RBM26: variants seen among roughly 807,000 people sequenced by gnomAD.
The protein encoded by RBM26 is RNA-binding protein 26.
RBM26 carries 30 observed loss-of-function variants against 123.6 expected under a neutral mutation model. That is an observed-to-expected ratio of 0.24 (90% confidence interval 0.18 to 0.33). The LOEUF is 0.33. Ranked by LOEUF, RBM26 falls within the 10% of genes least tolerant of loss-of-function variation. The pLI is 1.00. For missense variants in RBM26, 947 were observed against 1,203.6 expected (o/e 0.79, Z 3.15); for synonymous variants, 400 against 404.4 (o/e 0.99, Z 0.13).
intron 14 of RBM26, among the ~76,000 whole-genome samples, chr13:79,346,756 C>CT (rs1418055570): frequency 1.3e-5 from 2 of 152,166 alleles, no homozygotes; most frequent in Admixed American, 1.3e-4. Context: ...TCCATGCTAC[C>CT]TAACCACAGC....
intron 11 of RBM26, 28 bp downstream of exon 11, chr13:79,358,246 G>A (rs1311030029): frequency 6.5e-7 from 1 of 1,543,974 alleles, no homozygotes; most frequent in Non-Finnish European, 8.7e-7. Context: ...AGAAAGAAGA[G>A]ATAACAAAAC....
chr13:79,349,317 CT>C (rs1258464630), intron 14 of RBM26, among the ~76,000 whole-genome samples: 2 of 152,126 alleles, frequency 1.3e-5, no homozygotes, highest in African/African-American at 4.8e-5. Flanking sequence ...AGTTTTATAT[CT>C]TTTGACCAAC....
chr13:79,313,981 A>G (rs1405734583), downstream of RBM26: 1 of 151,738 alleles, frequency 6.6e-6, no homozygotes, highest in Admixed American at 6.6e-5. Flanking sequence ...ACTACCAAGT[A>G]TAGCTTCCAA....
intron 20 of RBM26, among the ~76,000 whole-genome samples, chr13:79,332,722 T>C (rs2069635337): frequency 6.6e-6 from 1 of 152,146 alleles, no homozygotes; most frequent in African/African-American, 2.4e-5. Context: ...AAAGTCTTCC[T>C]TATACATTAA....
At chr13:79,355,470 GTCCT>G (rs1301688853) in intron 11 of RBM26, 86 bp from the exon 12 acceptor site, 2 of 952,414 alleles carry the variant, frequency 2.1e-6, no homozygotes, top group African/African-American at 1.6e-5. Context: ...TGAAATACTG[GTCCT>G]TCCAAGTAAG....
At chr13:79,344,594 G>A in intron 15 of RBM26, 75 bp downstream of exon 15, 2 of 1,299,596 alleles carry the variant, frequency 1.5e-6, no homozygotes, top group South Asian at 1.3e-5. Context: ...TTTGCAATAA[G>A]CACTGAAAAA....
downstream of RBM26, among the ~76,000 whole-genome samples, chr13:79,318,042 A>C (rs917643231): frequency 2.6e-5 from 4 of 151,618 alleles, no homozygotes; most frequent in East Asian, 7.7e-4. Flanking sequence ...GACATAAACC[A>C]GATAAATTAT....
chr13:79,355,445 A>T, intron 11 of RBM26, 61 bp from the exon 12 acceptor site: 1 of 1,356,102 alleles, frequency 7.4e-7, no homozygotes, highest in East Asian at 2.3e-5. Flanking sequence ...TCATAGAGTA[A>T]AATTCCCCAG....
intron 20 of RBM26, among the ~76,000 whole-genome samples, chr13:79,332,275 A>G (rs537240180): frequency 6.6e-6 from 1 of 152,292 alleles, no homozygotes; most frequent in African/African-American, 2.4e-5. Context: ...CCTTTATTTT[A>G]TATAACAATG....
chr13:79,372,531 C>T (rs2076004848), intron 3 of RBM26, among the ~76,000 whole-genome samples: 1 of 150,806 alleles, frequency 6.6e-6, no homozygotes, highest in Non-Finnish European at 1.5e-5. Flanking sequence ...GCTCATTTAA[C>T]ATAATTAATG....
At chr13:79,359,468 C>T in intron 10 of RBM26, 107 bp downstream of exon 10, 1 of 581,530 alleles carries the variant, frequency 1.7e-6, no homozygotes, top group South Asian at 2.2e-5. Context: ...GCTTACAGAA[C>T]AGAGTAACAT....
chr13:79,347,615 TG>T (rs2072550360), intron 14 of RBM26, among the ~76,000 whole-genome samples: 1 of 152,154 alleles, frequency 6.6e-6, no homozygotes, highest in African/African-American at 2.4e-5. Flanking sequence ...CATTTCTATA[TG>T]TGCTATAATT....
intron 1 of RBM26, among the ~76,000 whole-genome samples, chr13:79,385,198 T>C (rs1216868435): frequency 1.3e-5 from 2 of 152,182 alleles, no homozygotes; most frequent in Admixed American, 1.3e-4. Context: ...CCAAATTTCA[T>C]TGCAGCAAGC....
In RBM26 at chr13:79,365,599, C is replaced by A. The variant is rs552851143; in HGVS notation, c.1396G>T (p.Asp466Tyr). 1 of 1,613,416 alleles carries A rather than the reference C, an allele frequency of 6.2e-7. No homozygotes were observed. The highest frequency in any genetic ancestry group is 1.1e-5 in the South Asian group (1 of 90,946). The change falls in exon 9 of 22, where the codon GAT becomes TAT. Residue 466 changes from aspartate (D) to tyrosine (Y), a missense_variant. Transcript: ENST00000438737. Reference sequence around the variant, plus strand: ...GTACCTCTGGGTGGCAAATCCATATCCCCTGATGTTAGTCCTATCAAGTTG... The same window carrying A: ...GTACCTCTGGGTGGCAAATCCATATACCCTGATGTTAGTCCTATCAAGTTG... The part of the protein sequence containing the change: ...RPNLIGLTSG[D>Y]MDLPPREKPP...
At chr13:79,327,758 CTA>C (rs2068659709) in intron 20 of RBM26, among the ~76,000 whole-genome samples, 1 of 151,760 alleles carries the variant, frequency 6.6e-6, no homozygotes, top group Non-Finnish European at 1.5e-5. Context: ...TGTATGTTGT[CTA>C]TATAAAGAAA....
At chr13:79,372,836 AATATATT>A (rs1382170834) in intron 3 of RBM26, among the ~76,000 whole-genome samples, 1 of 118,894 alleles carries the variant, frequency 8.4e-6, no homozygotes, top group South Asian at 2.2e-4. Flanking sequence ...ATTTTATATA[AATATATT>A]ATATATTATA....
In RBM26 at chr13:79,319,844, A is replaced by G. The variant is rs1036892087; in HGVS notation, c.*777T>C. ...GTTAGTGATTATAGCTCCTTTTGTG[A>G]TAATTGGGGGGAAGGGTAGATCACC... On this transcript the variant is annotated 3_prime_UTR_variant, in exon 22 of 22. Transcript: ENST00000438737. 2.0e-6 allele frequency: 2 copies of G among 980,242 alleles called. No individual in the cohort carries two copies. Among genetic ancestry groups the G allele is most frequent in the Non-Finnish European group, 2.4e-6 (2 of 826,368 alleles). The allele number at this position is 980,242 out of a possible 1,614,324, so 60.7% of individuals were successfully genotyped here.
intron 18 of RBM26, among the ~76,000 whole-genome samples, chr13:79,338,928 T>C (rs1041547014): frequency 6.6e-6 from 1 of 152,220 alleles, no homozygotes; most frequent in African/African-American, 2.4e-5. Context: ...GACTGCCAGA[T>C]TTCTGGTTTG....
intron 5 of RBM26, among the ~76,000 whole-genome samples, chr13:79,369,705 T>C (rs2075685900): frequency 6.6e-6 from 1 of 152,212 alleles, no homozygotes; most frequent in Non-Finnish European, 1.5e-5. Context: ...TAACATGTAC[T>C]AGAAGAAAAT....
Sources: allele counts gnomAD v4.1 joint callset (sites outside exome capture counted in the v4.1 genomes callset), GRCh38; gene constraint gnomAD v4.1.1; transcripts MANE v1.5; gene names NCBI Gene and HGNC (gene_info 2026-07-23, HGNC 2026-07-21).